The following ARHGAP11B variants were observed in gnomAD, a reference collection of about 807,000 sequenced individuals.
ARHGAP11B encodes Rho GTPase activating protein 11B, also known as inactive Rho GTPase-activating protein 11B.
In ARHGAP11B, 14 loss-of-function variants were observed where a neutral mutation model predicts 27.6. That is an observed-to-expected ratio of 0.51 (90% CI 0.34 to 0.79). ARHGAP11B has a LOEUF of 0.79. ARHGAP11B is among the 30% of genes least tolerant of loss of function. ARHGAP11B has a pLI of 0.02. For missense variants in ARHGAP11B, 245 were observed against 320.1 expected (o/e 0.77, Z 1.79); for synonymous variants, 82 against 114.1 (o/e 0.72, Z 1.80).
intron 9 of ARHGAP11B, among the ~76,000 whole-genome samples, chr15:30,646,694 G>T (rs1257392139): frequency 6.7e-6 from 1 of 149,500 alleles, no homozygotes; most frequent in African/African-American, 2.5e-5. Context: ...ATTAGCCCAG[G>T]CGCAGTGGCT....
At chr15:30,635,667 G>A (rs775528723) in intron 6 of ARHGAP11B, 34 bp downstream of exon 6, 1 of 1,608,068 alleles carries the variant, frequency 6.2e-7, no homozygotes, top group South Asian at 1.1e-5. Flanking sequence ...GAGGTACAGT[G>A]ATTTGCTTTA....
At chr15:30,638,599 T>C (rs924199818) in intron 6 of ARHGAP11B, 147 bp from the exon 7 acceptor site, 3 of 451,736 alleles carry the variant, frequency 6.6e-6, no homozygotes, top group Admixed American at 9.2e-5. Flanking sequence ...GTATTTTTCC[T>C]ATTTTGAAAT....
rs1484199403 is a variant in ARHGAP11B, at chr15:30,642,000, G to C, written c.*79-2639G>C. Among the ~76,000 whole-genome samples, 3 of 152,068 alleles carry C rather than the reference G, an allele frequency of 2.0e-5. No homozygotes were observed. In the East Asian group the frequency reaches 5.8e-4, roughly 29 times the overall value. ...CAAAATACTGGGATTACAGACGTGA[G>C]CCACGGTGCCTGGCTGGACACATTT... On this transcript the variant is annotated intron_variant, in intron 7 of 10. Transcript: ENST00000428041.
intron 7 of ARHGAP11B, among the ~76,000 whole-genome samples, chr15:30,643,304 A>G (rs1196469280): frequency 3.4e-5 from 5 of 148,056 alleles, no homozygotes; most frequent in Admixed American, 3.4e-4. Flanking sequence ...TTTGAGATGA[A>G]GTCTCACTCT....
At chr15:30,647,216 A>C (rs2094381269) in intron 9 of ARHGAP11B, among the ~76,000 whole-genome samples, 1 of 151,554 alleles carries the variant, frequency 6.6e-6, no homozygotes, top group Non-Finnish European at 1.5e-5. Flanking sequence ...GGAATTTGTC[A>C]GCGTTTTTTT....
chr15:30,633,506 T>A (rs2060258793), exon 3 of ARHGAP11B: 3 of 1,611,928 alleles, frequency 1.9e-6, no homozygotes, highest in African/African-American at 2.7e-5. Flanking sequence ...TGTCGATGCT[T>A]GCACATCTTT....
chr15:30,631,170 A>G (rs933823009), intron 2 of ARHGAP11B, among the ~76,000 whole-genome samples: 28 of 151,586 alleles, frequency 1.8e-4, no homozygotes, highest in African/African-American at 5.8e-4. Flanking sequence ...TAACTTTTAC[A>G]TATTTTAAAT....
chr15:30,635,296 G>GTTTAAA (rs2060272521), intron 5 of ARHGAP11B, 108 bp downstream of exon 5: 1 of 1,516,694 alleles, frequency 6.6e-7, no homozygotes, highest in Admixed American at 1.9e-5. Context: ...GAAAATCTCT[G>GTTTAAA]TTTCTTTCAA....
intron 2 of ARHGAP11B, 131 bp from the exon 3 acceptor site, chr15:30,633,359 C>G (rs2060257510): frequency 5.8e-6 from 4 of 685,574 alleles, no homozygotes; most frequent in Non-Finnish European, 8.9e-6. Context: ...AACATTTCAT[C>G]TCAAAGACTA....
intron 6 of ARHGAP11B, 94 bp from the exon 7 acceptor site, chr15:30,638,652 T>C (rs1191592920): frequency 3.0e-6 from 2 of 677,222 alleles, no homozygotes; most frequent in Non-Finnish European, 4.8e-6. Context: ...CGATGTAAAG[T>C]TACATGTTGA....
chr15:30,648,078 A>C (rs547635885), intron 10 of ARHGAP11B, among the ~76,000 whole-genome samples: 10 of 152,022 alleles, frequency 6.6e-5, no homozygotes, highest in Admixed American at 5.3e-4. Flanking sequence ...GGATTACAGG[A>C]GTGAGCCACT....
Position 30,634,121 on chromosome 15 carries a change from A to G in ARHGAP11B, c.298-49A>G, listed in dbSNP as rs750015732. On this transcript the variant is annotated intron_variant, in intron 3 of 10. Coordinates refer to ENST00000428041, the Ensembl canonical transcript of ARHGAP11B. ...TATAACAAAAGATTCTTTATTTGCA[A>G]TAAACTCTTAAGTTGCCAAAATACT... The G allele has an allele frequency of 3.6e-5, 58 of 1,604,270 alleles. 2 individuals carry two copies. In the South Asian group the frequency reaches 4.6e-4, roughly 13 times the overall value.
At position 30,635,386 on chromosome 15, in the gene ARHGAP11B, A is replaced by G. The variant is rs1414461613; in HGVS notation, c.661-101A>G. ...CCCTACAGTACCGGCCCCTCCTGCA[A>G]AGAAAAAAAGAAAAGAAATTGGTAT... On this transcript the variant is annotated intron_variant, in intron 5 of 10. Transcript: ENST00000428041. 12 of 1,489,264 alleles carry G rather than the reference A, an allele frequency of 8.1e-6. No individual in the cohort carries two copies. In the Middle Eastern group the frequency reaches 5.4e-4, roughly 67 times the overall value. 92.3% of individuals were successfully genotyped at this position (1,489,264 alleles called of 1,614,324 possible). A position where few individuals can be genotyped will look rare whatever the true frequency, so the allele number is the denominator to read the frequency against.
At chr15:30,631,131 A>T (rs369225598) in intron 2 of ARHGAP11B, among the ~76,000 whole-genome samples, 3,684 of 151,300 alleles carry the variant, frequency 0.024, 138 homozygotes, top group African/African-American at 0.078. Flanking sequence ...CAAATGATTT[A>T]ATCTCTCATA....
rs560810497 is a variant in ARHGAP11B at position 30,627,126 on chromosome 15, T to TC, written c.129+181dup. On this transcript the variant is annotated intron_variant, in intron 1 of 10. Transcript: ENST00000428041. ...AAAAGTGACATTCTTGTTTTTTTTT[T>TC]CCCCAAGGATTTTTGATCATTGAGA... 1.8e-3 allele frequency among the ~76,000 whole-genome samples: 273 copies of TC among 151,986 alleles called. 5 individuals are homozygous for TC. The highest frequency in any genetic ancestry group is 0.016 in the South Asian group (75 of 4,826).
At chr15:30,643,811 TA>T (rs1288059729) in intron 7 of ARHGAP11B, among the ~76,000 whole-genome samples, 5 of 152,066 alleles carry the variant, frequency 3.3e-5, no homozygotes, top group Admixed American at 3.3e-4. Flanking sequence ...GTAAAGGTTT[TA>T]AGAAATATTA....
At chr15:30,646,205 G>A (rs1566784692) in exon 9 of ARHGAP11B, 1 of 1,059,954 alleles carries the variant, frequency 9.4e-7, no homozygotes, top group Non-Finnish European at 1.2e-6. Context: ...AGAGCTCGGG[G>A]ACCTCCTGAG....
At chr15:30,643,088 G>C (rs2060324689) in intron 7 of ARHGAP11B, among the ~76,000 whole-genome samples, 1 of 151,912 alleles carries the variant, frequency 6.6e-6, no homozygotes, top group Non-Finnish European at 1.5e-5. Flanking sequence ...CATGAGAATA[G>C]TGCTGTTAAC....
intron 1 of ARHGAP11B, among the ~76,000 whole-genome samples, chr15:30,627,416 A>G (rs1234323250): frequency 1.3e-5 from 2 of 152,116 alleles, no homozygotes; most frequent in African/African-American, 2.4e-5. Flanking sequence ...GTAAGGTTGT[A>G]GAGGGACAAG....
Sources: gnomAD v4.1 joint callset for allele counts (sites outside exome capture counted in the v4.1 genomes callset) on GRCh38, gnomAD v4.1.1 for gene constraint, MANE v1.5 for transcripts, NCBI Gene and HGNC (gene_info 2026-07-23, HGNC 2026-07-21) for gene names.